The following MED12L variants were observed in gnomAD, a reference collection of about 807,000 sequenced individuals.
MED12L encodes the protein mediator complex subunit 12L, also known as mediator of RNA polymerase II transcription subunit 12-like protein.
A neutral mutation model predicts 281.3 loss-of-function variants in MED12L; 60 were observed. The ratio of observed to expected loss-of-function variants is 0.21; its 90% CI spans 0.17 to 0.26. The LOEUF is 0.26. MED12L is among the 10% of genes least tolerant of loss of function. The probability of loss-of-function intolerance (pLI) is 1.00; values close to 1 mark genes in which losing one functional copy is unlikely to be tolerated. For synonymous variants in MED12L, 974 were observed against 987.2 expected, an observed-to-expected ratio of 0.99 and a Z score of 0.25; for missense variants, 2,146 against 2,680.9, an observed-to-expected ratio of 0.80 and a Z score of 4.41.
At chr3:151,269,793 A>G (rs1740534566) in intron 16 of MED12L, 3 of 421,158 alleles carry the variant, frequency 7.1e-6, no homozygotes, top group South Asian at 5.4e-5. Context: ...CTGAAGTCAA[A>G]TGCAAATCTG....
chr3:151,092,028 T>A (rs925817874), intron 2 of MED12L, among the ~76,000 whole-genome samples: 16 of 152,232 alleles, frequency 1.1e-4, no homozygotes, highest in Non-Finnish European at 1.6e-4. Flanking sequence ...GGTCTCCTGT[T>A]GTACTTAACC....
intron 39 of MED12L, among the ~76,000 whole-genome samples, chr3:151,397,019 G>T (rs928521294): frequency 6.6e-6 from 1 of 151,866 alleles, no homozygotes; most frequent in Non-Finnish European, 1.5e-5. Context: ...GTATCCTTTT[G>T]TACCACCGAC....
chr3:151,178,714 T>C (rs775641069), intron 11 of MED12L, among the ~76,000 whole-genome samples: 5 of 152,180 alleles, frequency 3.3e-5, no homozygotes, highest in Non-Finnish European at 5.9e-5. Context: ...AACCAGCTTA[T>C]AGGTTGTAAA....
At chr3:151,295,099 A>G (rs776872234) in intron 16 of MED12L, 51 of 1,613,408 alleles carry the variant, frequency 3.2e-5, no homozygotes, top group Non-Finnish European at 3.6e-5. Context: ...ATATAATGAG[A>G]TAAAGCACCG....
chr3:151,376,433 G>C (rs1173030650), intron 28 of MED12L, among the ~76,000 whole-genome samples: 2 of 152,110 alleles, frequency 1.3e-5, no homozygotes, highest in African/African-American at 4.8e-5. Flanking sequence ...TTTTAAATCA[G>C]TATTGTATTT....
intron 14 of MED12L, among the ~76,000 whole-genome samples, chr3:151,191,960 T>C (rs1337306485): frequency 6.6e-6 from 1 of 152,194 alleles, no homozygotes; most frequent in Non-Finnish European, 1.5e-5. Flanking sequence ...ATACCATTAT[T>C]ATTTTTTAAA....
chr3:151,416,519 CT>C (rs2108389347), intron 43 of MED12L, 97 bp downstream of exon 43: 1 of 1,309,626 alleles, frequency 7.6e-7, no homozygotes, highest in Non-Finnish European at 1.1e-6. Context: ...TCGACAAAGC[CT>C]AAGTATACCC....
rs1711737477 is a variant in MED12L at position 151,110,693 on chromosome 3, A to T, written c.100-5645A>T. Among the ~76,000 whole-genome samples the T allele has an allele frequency of 3.9e-5, 6 of 152,234 alleles. No individual in the cohort carries two copies. In the South Asian group the frequency reaches 1.2e-3, roughly 32 times the overall value. On this transcript the variant is annotated intron_variant, in intron 2 of 44. Transcript: ENST00000687756. ...TTTGGCTCTGTGGCCCTAGTGTTCT[A>T]TAGGAAGTTAAAGGAGTGAAGTGAA...
At chr3:151,410,962 T>A (rs1337476953) in intron 40 of MED12L, among the ~76,000 whole-genome samples, 2 of 152,246 alleles carry the variant, frequency 1.3e-5, no homozygotes, top group African/African-American at 4.8e-5. Context: ...CTTGCCTGAT[T>A]GTTTCTATAT....
At position 151,355,979 on chromosome 3, in the gene MED12L, C is replaced by T. The variant is rs754468023; in HGVS notation, c.2601C>T (p.Leu867=). The change falls in exon 19 of 45, where the codon CTC becomes CTT. Residue 867 remains leucine, a synonymous_variant. Transcript: ENST00000687756. ...YHLPLAHHIQ[L]IFDLMEPALN... ...TCCCTTTGGCTCACCACATTCAGCTCATCTTTGATCTCATGGAGCCAGCAC... is the reference window on the plus strand; with the variant it reads ...TCCCTTTGGCTCACCACATTCAGCTTATCTTTGATCTCATGGAGCCAGCAC... 9.3e-6 allele frequency: 15 copies of T among 1,614,002 alleles called. No homozygotes were observed. Among genetic ancestry groups the T allele is most frequent in the Non-Finnish European group, 1.2e-5 (14 of 1,179,996 alleles).
intron 16 of MED12L, among the ~76,000 whole-genome samples, chr3:151,298,004 C>CA (rs76161836): frequency 2.0e-5 from 3 of 151,926 alleles, no homozygotes; most frequent in Admixed American, 2.0e-4. Context: ...GTAGTAGAGA[C>CA]AAAAAATGGT....
At chr3:151,164,759 A>G (rs1389003477) in intron 9 of MED12L, among the ~76,000 whole-genome samples, 1 of 151,920 alleles carries the variant, frequency 6.6e-6, no homozygotes, top group East Asian at 1.9e-4. Context: ...ACAAAAAAAA[A>G]CCAAACACCG....
At chr3:151,132,525 CTG>C (rs1453009887) in intron 5 of MED12L, among the ~76,000 whole-genome samples, 6 of 152,112 alleles carry the variant, frequency 3.9e-5, no homozygotes, top group Admixed American at 2.6e-4. Flanking sequence ...GGAGGTGATG[CTG>C]TGAATGTATC....
intron 27 of MED12L, among the ~76,000 whole-genome samples, chr3:151,373,893 G>A (rs898615135): frequency 6.6e-6 from 1 of 151,954 alleles, no homozygotes; most frequent in Non-Finnish European, 1.5e-5. Context: ...CCAAGATCTG[G>A]GTATTATGTA....
chr3:151,374,490 G>C (rs1756582446), intron 27 of MED12L, among the ~76,000 whole-genome samples: 1 of 152,214 alleles, frequency 6.6e-6, no homozygotes, highest in African/African-American at 2.4e-5. Flanking sequence ...GGAGGTTGCA[G>C]TGAGCCGAGA....
chr3:151,130,619 G>A (rs931036624), intron 5 of MED12L, among the ~76,000 whole-genome samples: 4 of 152,146 alleles, frequency 2.6e-5, no homozygotes, highest in African/African-American at 9.7e-5. Context: ...CGACGCCAGC[G>A]ACCTGCCTGC....
intron 16 of MED12L, among the ~76,000 whole-genome samples, chr3:151,344,529 G>A (rs1026214604): frequency 8.5e-5 from 13 of 152,228 alleles, no homozygotes; most frequent in African/African-American, 3.1e-4. Context: ...TTAACTAAAT[G>A]CATTTATTGT....
intron 16 of MED12L, among the ~76,000 whole-genome samples, chr3:151,235,913 G>A (rs1479331658): frequency 6.6e-6 from 1 of 151,990 alleles, no homozygotes; most frequent in Non-Finnish European, 1.5e-5. Context: ...CTCTTACCAC[G>A]TTTGTTTTCT....
At chr3:151,413,049 C>T in intron 41 of MED12L, 90 bp from the exon 42 acceptor site, 1 of 1,427,606 alleles carries the variant, frequency 7.0e-7, no homozygotes, top group Non-Finnish European at 9.5e-7. Context: ...CTGATTGTTT[C>T]TTGGTTGGTG....
Sources: gnomAD v4.1 joint callset for allele counts (sites outside exome capture counted in the v4.1 genomes callset) on GRCh38, gnomAD v4.1.1 for gene constraint, MANE v1.5 for transcripts, NCBI Gene and HGNC (gene_info 2026-07-23, HGNC 2026-07-21) for gene names.